Variants in PCDH9 observed in about 807,000 individuals in gnomAD.
The protein encoded by PCDH9 is protocadherin-9.
A neutral mutation model predicts 70.6 loss-of-function variants in PCDH9; 24 were observed. The observed-to-expected ratio is 0.34, with a 90% CI of 0.25 to 0.48. PCDH9 has a LOEUF of 0.48. Ranked by LOEUF, PCDH9 falls within the 20% of genes least tolerant of loss-of-function variation. The probability of loss-of-function intolerance (pLI) is 0.99; values close to 1 mark genes in which losing one functional copy is unlikely to be tolerated. For synonymous variants in PCDH9, 562 were observed against 558.5 expected (o/e 1.01, Z -0.09); for missense variants, 1,281 against 1,503.6 (o/e 0.85, Z 2.45).
chr13:66,726,443 T>C (rs1024280594), intron 3 of PCDH9, among the ~76,000 whole-genome samples: 3 of 151,690 alleles, frequency 2.0e-5, no homozygotes, highest in Non-Finnish European at 4.4e-5. Flanking sequence ...AATGGATAAG[T>C]AAGTGAATCT....
At chr13:66,990,540 T>C (rs569598905) in intron 2 of PCDH9, among the ~76,000 whole-genome samples, 1 of 150,038 alleles carries the variant, frequency 6.7e-6, no homozygotes, top group East Asian at 1.9e-4. Context: ...TATACTCATA[T>C]ATACAGAATA....
At chr13:66,917,238 T>C (rs2082571134) in intron 2 of PCDH9, among the ~76,000 whole-genome samples, 1 of 151,490 alleles carries the variant, frequency 6.6e-6, no homozygotes, top group Admixed American at 6.6e-5. Flanking sequence ...CATTTTAAAA[T>C]GGCCTGCCAC....
At chr13:66,509,254 G>A (rs1959344183) in intron 4 of PCDH9, among the ~76,000 whole-genome samples, 1 of 151,978 alleles carries the variant, frequency 6.6e-6, no homozygotes, top group South Asian at 2.1e-4. Context: ...TTAAAATGTA[G>A]GTAAATCTTT....
At chr13:67,198,088 C>A (rs779679717) in intron 2 of PCDH9, among the ~76,000 whole-genome samples, 1 of 151,164 alleles carries the variant, frequency 6.6e-6, no homozygotes, top group Non-Finnish European at 1.5e-5. Context: ...TTTTTATGAA[C>A]TATAGGGATA....
chr13:66,363,529 G>A (rs1371356992), intron 4 of PCDH9, among the ~76,000 whole-genome samples: 1 of 151,922 alleles, frequency 6.6e-6, no homozygotes, highest in African/African-American at 2.4e-5. Flanking sequence ...CACTGCAGGG[G>A]GTGTTTCACA....
chr13:66,647,566 T>C (rs77868455), intron 3 of PCDH9, among the ~76,000 whole-genome samples: 2 of 152,110 alleles, frequency 1.3e-5, no homozygotes, highest in Non-Finnish European at 2.9e-5. Flanking sequence ...GTACTCACCA[T>C]GGCCCTTGGG....
intron 3 of PCDH9, among the ~76,000 whole-genome samples, chr13:66,647,608 G>A (rs1354614689): frequency 6.6e-6 from 1 of 152,072 alleles, no homozygotes. Context: ...CTTCAGCTGT[G>A]ACCGAGAACA....
intron 3 of PCDH9, among the ~76,000 whole-genome samples, chr13:66,753,931 T>C (rs1287950582): frequency 6.6e-6 from 1 of 152,214 alleles, no homozygotes; most frequent in Non-Finnish European, 1.5e-5. Context: ...TGAACCTTCA[T>C]ATTCTTCTGT....
At chr13:67,062,212 A>G (rs1227914349) in intron 2 of PCDH9, among the ~76,000 whole-genome samples, 1 of 152,156 alleles carries the variant, frequency 6.6e-6, no homozygotes, top group Non-Finnish European at 1.5e-5. Flanking sequence ...TGAAACATAG[A>G]CAAGAAATTG....
intron 2 of PCDH9, among the ~76,000 whole-genome samples, chr13:67,092,588 C>T (rs1040821505): frequency 1.2e-4 from 19 of 152,102 alleles, no homozygotes; most frequent in Non-Finnish European, 1.0e-4. Context: ...TTTATTCCCC[C>T]GGACTGAGGA....
At chr13:66,601,377 A>G (rs1477790936) in intron 4 of PCDH9, among the ~76,000 whole-genome samples, 1 of 146,074 alleles carries the variant, frequency 6.8e-6, no homozygotes, top group Non-Finnish European at 1.5e-5. Flanking sequence ...TTTGCTAGAG[A>G]ATTACATTGG....
chr13:66,834,641 C>T (rs966830347), intron 3 of PCDH9, among the ~76,000 whole-genome samples: 4 of 152,196 alleles, frequency 2.6e-5, no homozygotes, highest in African/African-American at 9.7e-5. Flanking sequence ...TTAACACTAA[C>T]TGTAAGATGC....
At chr13:66,495,898 A>G (rs1366381306) in intron 4 of PCDH9, among the ~76,000 whole-genome samples, 1 of 152,086 alleles carries the variant, frequency 6.6e-6, no homozygotes, top group African/African-American at 2.4e-5. Flanking sequence ...AAATGACTCT[A>G]CTCATCTTTG....
intron 2 of PCDH9, among the ~76,000 whole-genome samples, chr13:66,968,515 T>C (rs950539398): frequency 6.6e-6 from 1 of 152,026 alleles, no homozygotes. Flanking sequence ...TTGCTTCTTT[T>C]ATTGGTTTCT....
chr13:66,436,068 C>A (rs1292057254), intron 4 of PCDH9, among the ~76,000 whole-genome samples: 3 of 151,892 alleles, frequency 2.0e-5, no homozygotes, highest in African/African-American at 7.3e-5. Flanking sequence ...ATTTACTAGA[C>A]TTTCTTATTT....
chr13:66,694,973 T>G (rs1406340954), intron 3 of PCDH9, among the ~76,000 whole-genome samples: 1 of 151,556 alleles, frequency 6.6e-6, no homozygotes, highest in Non-Finnish European at 1.5e-5. Context: ...GCGCGATCTC[T>G]GCTCACTGCC....
chr13:66,579,177 A>G (rs183208247), intron 4 of PCDH9, among the ~76,000 whole-genome samples: 1 of 152,212 alleles, frequency 6.6e-6, no homozygotes, highest in Admixed American at 6.6e-5. Flanking sequence ...CATAATAAAT[A>G]AGAAATTCTT....
At chr13:66,779,591 G>T (rs1041619919) in intron 3 of PCDH9, among the ~76,000 whole-genome samples, 1 of 152,164 alleles carries the variant, frequency 6.6e-6, no homozygotes. Flanking sequence ...GGGAGGCGGA[G>T]GCAGGCGGAT....
chr13:66,925,194 T>C (rs1198428223), intron 2 of PCDH9, among the ~76,000 whole-genome samples: 1 of 151,888 alleles, frequency 6.6e-6, no homozygotes, highest in Non-Finnish European at 1.5e-5. Context: ...TGACAGATGA[T>C]TGTTCAGAGA....
Sources: gnomAD v4.1 joint callset for allele counts (sites outside exome capture counted in the v4.1 genomes callset) on GRCh38, gnomAD v4.1.1 for gene constraint, MANE v1.5 for transcripts, NCBI Gene and HGNC (gene_info 2026-07-23, HGNC 2026-07-21) for gene names.